Variants in ADGRB3 observed in about 807,000 individuals in gnomAD.
ADGRB3 encodes the protein brain-specific angiogenesis inhibitor 3.
A neutral mutation model predicts 193.4 loss-of-function variants in ADGRB3; 37 were observed. The ratio of observed to expected loss-of-function variants is 0.19; its 90% confidence interval spans 0.15 to 0.25. The LOEUF (loss-of-function observed/expected upper bound fraction) is 0.25. Ranked by LOEUF, ADGRB3 falls within the 10% of genes least tolerant of loss-of-function variation. The pLI is 1.00. For synonymous variants in ADGRB3, 690 were observed against 644.2 expected (o/e 1.07, Z -1.08); for missense variants, 1,637 against 1,852.9 (o/e 0.88, Z 2.14).
chr6:68,655,857 C>T (rs146701766), intron 3 of ADGRB3, among the ~76,000 whole-genome samples: 1 of 151,576 alleles, frequency 6.6e-6, no homozygotes, highest in South Asian at 2.1e-4. Context: ...ACCTAAGTAA[C>T]TTCTTCTTCT....
In ADGRB3 at chr6:68,970,387, C is replaced by G. The variant is rs149634930; in HGVS notation, c.1526-4376C>G. 1.2e-3 allele frequency among the ~76,000 whole-genome samples: 178 copies of G among 151,352 alleles called. 2 individuals carry two copies. The East Asian group carries it at 0.031, about 26-fold the overall frequency. ...GCAAACCCTGCCTCCCGGGTTCAAG[C>G]AATTCTTCTGCTTCAGCACCTGTAG... On this transcript the variant is annotated intron_variant, in intron 8 of 31. Coordinates refer to ENST00000370598, the MANE Select transcript of ADGRB3 (RefSeq NM_001704.3).
intron 3 of ADGRB3, among the ~76,000 whole-genome samples, chr6:68,792,593 C>T (rs191676208): frequency 3.1e-4 from 47 of 152,244 alleles, no homozygotes; most frequent in African/African-American, 1.1e-3. Flanking sequence ...ACTTCAGGAA[C>T]ATATTTCCTC....
chr6:68,998,738 T>G (rs1769468224), intron 11 of ADGRB3, among the ~76,000 whole-genome samples: 1 of 152,152 alleles, frequency 6.6e-6, no homozygotes, highest in African/African-American at 2.4e-5. Context: ...TTTATGACAT[T>G]ATCACCATTT....
At chr6:69,189,784 A>C (rs2150354344) in intron 17 of ADGRB3, among the ~76,000 whole-genome samples, 1 of 152,330 alleles carries the variant, frequency 6.6e-6, no homozygotes, top group South Asian at 2.1e-4. Context: ...AATGTCATCT[A>C]ACCTTGTTTA....
At chr6:68,875,382 T>TA (rs138818442) in intron 3 of ADGRB3, among the ~76,000 whole-genome samples, 1 of 150,788 alleles carries the variant, frequency 6.6e-6, no homozygotes, top group South Asian at 2.1e-4. Context: ...TTGGTAAGGT[T>TA]AAAAGGGAAG....
chr6:68,765,156 G>A (rs1766485125), intron 3 of ADGRB3, among the ~76,000 whole-genome samples: 1 of 151,994 alleles, frequency 6.6e-6, no homozygotes, highest in Admixed American at 6.6e-5. Flanking sequence ...TGACTTTTAT[G>A]TTCTTTCTTT....
At chr6:68,887,070 TACAC>T (rs72010174) in intron 3 of ADGRB3, among the ~76,000 whole-genome samples, 31 of 150,934 alleles carry the variant, frequency 2.1e-4, no homozygotes, top group Admixed American at 4.0e-4. Flanking sequence ...TATATATATA[TACAC>T]ACACACACAC....
chr6:69,355,265 C>T (rs1421242544), intron 27 of ADGRB3, among the ~76,000 whole-genome samples: 1 of 152,098 alleles, frequency 6.6e-6, no homozygotes, highest in African/African-American at 2.4e-5. Flanking sequence ...AGGTTCTCGA[C>T]CAGATGAGTA....
chr6:68,733,230 C>CTA (rs1000301562), intron 3 of ADGRB3, among the ~76,000 whole-genome samples: 4 of 147,074 alleles, frequency 2.7e-5, no homozygotes, highest in East Asian at 2.0e-4. Context: ...AAAATTATAT[C>CTA]TATATATATA....
At chr6:69,119,017 T>C (rs1482762191) in intron 17 of ADGRB3, among the ~76,000 whole-genome samples, 1 of 152,220 alleles carries the variant, frequency 6.6e-6, no homozygotes, top group Non-Finnish European at 1.5e-5. Flanking sequence ...GAATTAGAGC[T>C]GCTGTTATAA....
chr6:69,238,866 C>T (rs1485069248), intron 19 of ADGRB3, among the ~76,000 whole-genome samples: 1 of 151,758 alleles, frequency 6.6e-6, no homozygotes, highest in Non-Finnish European at 1.5e-5. Flanking sequence ...TAGGCTCTAT[C>T]AGAAATGCCA....
chr6:69,138,424 G>A (rs992748760), intron 17 of ADGRB3, among the ~76,000 whole-genome samples: 1 of 152,168 alleles, frequency 6.6e-6, no homozygotes, highest in African/African-American at 2.4e-5. Context: ...ATCATAACAG[G>A]TTACTGATAA....
At chr6:69,163,897 T>A (rs1244216296) in intron 17 of ADGRB3, among the ~76,000 whole-genome samples, 1 of 152,178 alleles carries the variant, frequency 6.6e-6, no homozygotes, top group East Asian at 1.9e-4. Flanking sequence ...TTATTTAAAC[T>A]ATTTTTCAAC....
At chr6:68,925,013 G>C (rs1295680001) in intron 3 of ADGRB3, among the ~76,000 whole-genome samples, 1 of 151,722 alleles carries the variant, frequency 6.6e-6, no homozygotes, top group East Asian at 1.9e-4. Context: ...AATGAAATTA[G>C]TATATTTATA....
intron 17 of ADGRB3, among the ~76,000 whole-genome samples, chr6:69,160,385 C>T (rs1303653589): frequency 6.6e-6 from 1 of 152,060 alleles, no homozygotes; most frequent in African/African-American, 2.4e-5. Context: ...GATATTCCTC[C>T]GATATGGCAG....
At chr6:69,180,774 G>A (rs1227903855) in intron 17 of ADGRB3, among the ~76,000 whole-genome samples, 2 of 152,118 alleles carry the variant, frequency 1.3e-5, no homozygotes, top group East Asian at 1.9e-4. Context: ...GGCTGTGGAG[G>A]CCCCTACCCG....
At chr6:68,904,849 C>T (rs1346745384) in intron 3 of ADGRB3, among the ~76,000 whole-genome samples, 1 of 152,124 alleles carries the variant, frequency 6.6e-6, no homozygotes, top group Admixed American at 6.6e-5. Context: ...AAAGGCATTC[C>T]TTCAATAAAC....
chr6:69,033,602 AGC>A (rs1277255579), intron 13 of ADGRB3, among the ~76,000 whole-genome samples: 3 of 152,158 alleles, frequency 2.0e-5, no homozygotes, highest in Non-Finnish European at 4.4e-5. Context: ...TGGCTAGTTT[AGC>A]ATATTTTTTT....
intron 20 of ADGRB3, among the ~76,000 whole-genome samples, chr6:69,315,533 A>G (rs1483313155): frequency 6.6e-6 from 1 of 151,386 alleles, no homozygotes; most frequent in Non-Finnish European, 1.5e-5. Context: ...ATAATAATTT[A>G]TTTTTAGTCT....
Sources: allele counts gnomAD v4.1 joint callset (sites outside exome capture counted in the v4.1 genomes callset), GRCh38; gene constraint gnomAD v4.1.1; transcripts MANE v1.5; gene names NCBI Gene and HGNC (gene_info 2026-07-23, HGNC 2026-07-21).